Variants in ATAD2B observed in about 807,000 individuals in gnomAD.
ATAD2B encodes ATPase family AAA domain containing 2B.
In ATAD2B, 40 loss-of-function variants were observed where a neutral mutation model predicts 167.6. The observed-to-expected ratio is 0.24, with a 90% CI of 0.19 to 0.31. The LOEUF is 0.31. Ranked by LOEUF, ATAD2B falls within the 10% of genes least tolerant of loss-of-function variation. The probability of loss-of-function intolerance (pLI) is 1.00; values close to 1 mark genes in which losing one functional copy is unlikely to be tolerated. For missense variants in ATAD2B, 1,242 were observed against 1,757.2 expected (o/e 0.71, Z 5.24); for synonymous variants, 579 against 596.5 (o/e 0.97, Z 0.43).
intron 1 of ATAD2B, among the ~76,000 whole-genome samples, chr2:23,905,076 T>C (rs903349201): frequency 1.3e-5 from 2 of 152,182 alleles, no homozygotes; most frequent in African/African-American, 4.8e-5. Context: ...AGAAGCGACC[T>C]GTTAGTTTAG....
In ATAD2B at chr2:23,916,263, T is replaced by G. The variant is rs184538270; in HGVS notation, c.216+10292A>C. Among the ~76,000 whole-genome samples, 14 of 152,340 alleles carry G rather than the reference T, an allele frequency of 9.2e-5. No individual in the cohort carries two copies. In the East Asian group the frequency reaches 2.5e-3, roughly 27 times the overall value. ...AGGGTCAAATTTATTCCATAACTGA[T>G]TCATCTTCACCACTTTTAGAGGAAA... On this transcript the variant is annotated intron_variant, in intron 1 of 27. Coordinates refer to ENST00000238789, the MANE Select transcript of ATAD2B (RefSeq NM_017552.4).
chr2:23,886,119 A>AT (rs898673351), intron 4 of ATAD2B, among the ~76,000 whole-genome samples: 15 of 151,426 alleles, frequency 9.9e-5, no homozygotes, highest in African/African-American at 3.2e-4. Flanking sequence ...TAACTTTTAT[A>AT]TTTTTTTGTG....
intron 23 of ATAD2B, 69 bp downstream of exon 23, chr2:23,765,437 G>A (rs1474559653): frequency 7.9e-7 from 1 of 1,268,886 alleles, no homozygotes; most frequent in Non-Finnish European, 1.0e-6. Context: ...TAAAGAAACA[G>A]CGTTCAAGTA....
intron 1 of ATAD2B, among the ~76,000 whole-genome samples, chr2:23,906,981 G>A (rs1392060471): frequency 6.7e-6 from 1 of 149,942 alleles, no homozygotes; most frequent in Admixed American, 6.6e-5. Context: ...AATAATAAGA[G>A]CTATATATGA....
intron 13 of ATAD2B, among the ~76,000 whole-genome samples, chr2:23,839,456 T>G (rs1490290051): frequency 2.6e-5 from 4 of 152,150 alleles, no homozygotes; most frequent in African/African-American, 4.8e-5. Context: ...GACTAAATAT[T>G]GAATTTTATT....
At chr2:23,792,766 T>C (rs890763424) in intron 19 of ATAD2B, among the ~76,000 whole-genome samples, 1 of 151,666 alleles carries the variant, frequency 6.6e-6, no homozygotes, top group Non-Finnish European at 1.5e-5. Context: ...ATCAAGACCA[T>C]ACTGGCTAAC....
At chr2:23,822,267 A>G (rs1317849785) in intron 16 of ATAD2B, among the ~76,000 whole-genome samples, 1 of 152,074 alleles carries the variant, frequency 6.6e-6, no homozygotes, top group Non-Finnish European at 1.5e-5. Flanking sequence ...GGGCGCGATG[A>G]CTCACATCTC....
At chr2:23,918,049 AAAAAAAG>A (rs1288895306) in intron 1 of ATAD2B, among the ~76,000 whole-genome samples, 1 of 151,818 alleles carries the variant, frequency 6.6e-6, no homozygotes, top group Non-Finnish European at 1.5e-5. Context: ...CTCCATCTCA[AAAAAAAG>A]AAAAAAAGAA....
the ATAD2B span, among the ~76,000 whole-genome samples, chr2:23,688,598 C>A: frequency 6.6e-6 from 1 of 152,056 alleles, no homozygotes. Flanking sequence ...CTCCTGGGCA[C>A]CCCCACGCCC....
At position 23,864,852 on chromosome 2, in the gene ATAD2B, A is replaced by G. The variant is rs761464850; in HGVS notation, c.1261T>C (p.Leu421=). The part of the protein sequence containing the change: ...ALKEMVVFPL[L]YPEIFEKFKI... ...AACTTTTCAAAAATTTCTGGATATA[A>G]AAGTGGGAATACTACCATTTCCTTT... Residue 421 remains leucine (L), a synonymous_variant, in exon 11 of 28, where the codon TTA becomes CTA. Coordinates refer to ENST00000238789, the MANE Select transcript of ATAD2B (RefSeq NM_017552.4). 2 of 1,596,432 alleles carry G rather than the reference A, an allele frequency of 1.3e-6. No individual in the cohort carries two copies. Among genetic ancestry groups the G allele is most frequent in the Admixed American group, 1.7e-5 (1 of 58,442 alleles).
At chr2:23,792,980 A>AC (rs1226572870) in intron 19 of ATAD2B, among the ~76,000 whole-genome samples, 8 of 150,570 alleles carry the variant, frequency 5.3e-5, no homozygotes, top group Non-Finnish European at 1.2e-4. Flanking sequence ...AAAAAAAAAA[A>AC]AAAAAAAAAA....
chr2:23,917,602 AT>A (rs943954804), intron 1 of ATAD2B, among the ~76,000 whole-genome samples: 118 of 145,042 alleles, frequency 8.1e-4, no homozygotes, highest in Middle Eastern at 3.6e-3. Flanking sequence ...GCTTACCGGG[AT>A]TTTTTTTTTT....
At chr2:23,696,217 G>A in the ATAD2B span, 2 of 1,489,054 alleles carry the variant, frequency 1.3e-6, no homozygotes, top group Non-Finnish European at 1.8e-6. This position sits in a 1 kb window ranked among gnomAD's most constrained non-coding sequence, Gnocchi z 5.5. Flanking sequence ...GGAAGGCCAT[G>A]GCCCAGAAGT....
At chr2:23,797,427 A>G (rs780623267) in intron 19 of ATAD2B, among the ~76,000 whole-genome samples, 5 of 152,124 alleles carry the variant, frequency 3.3e-5, no homozygotes, top group Non-Finnish European at 5.9e-5. Flanking sequence ...TGTATTAGTA[A>G]TAACATTCAA....
At chr2:23,865,321 G>C (rs1293977317) in intron 10 of ATAD2B, among the ~76,000 whole-genome samples, 1 of 152,142 alleles carries the variant, frequency 6.6e-6, no homozygotes, top group African/African-American at 2.4e-5. Context: ...CTGAGCTCAG[G>C]AGTTCGAGAC....
At chr2:23,760,690 T>TTATATATATATA (rs60333740) in intron 24 of ATAD2B, among the ~76,000 whole-genome samples, 3 of 118,286 alleles carry the variant, frequency 2.5e-5, no homozygotes. Flanking sequence ...ATAAATAAAT[T>TTATATATATATA]TATATATATA....
rs1306033049 is a variant in ATAD2B, at chr2:23,750,185, A to C, written c.*1861T>G. 3 of 152,154 alleles carry C rather than the reference A, an allele frequency of 2.0e-5. No individual in the cohort carries two copies. Among genetic ancestry groups the C allele is most frequent in the African/African-American group, 7.2e-5 (3 of 41,446 alleles). The allele number at this position is 152,154 out of a possible 1,614,324, so 9.4% of individuals were successfully genotyped here. A position where few individuals can be genotyped will look rare whatever the true frequency, so the allele number is the denominator to read the frequency against. Reference sequence around the variant, plus strand: ...GGTTTCAAATAACCTCCCCTTTAAAATGGTTCATCGTTAATCGCACTTGCC... The same window carrying C: ...GGTTTCAAATAACCTCCCCTTTAAACTGGTTCATCGTTAATCGCACTTGCC... On this transcript the variant is annotated 3_prime_UTR_variant, in exon 28 of 28. Transcript: ENST00000238789.
the ATAD2B span, among the ~76,000 whole-genome samples, chr2:23,730,085 C>G: frequency 6.6e-6 from 1 of 152,066 alleles, no homozygotes; most frequent in East Asian, 1.9e-4. Context: ...TCAATGACAA[C>G]AGAATACACA....
downstream of ATAD2B, among the ~76,000 whole-genome samples, chr2:23,744,333 T>G (rs960811602): frequency 6.6e-6 from 1 of 152,134 alleles, no homozygotes; most frequent in African/African-American, 2.4e-5. Context: ...GAACTGCTGT[T>G]TTTTATAACA....
Sources: allele counts gnomAD v4.1 joint callset (sites outside exome capture counted in the v4.1 genomes callset), GRCh38; gene constraint gnomAD v4.1.1; non-coding constraint Gnocchi (gnomAD v3.1); transcripts MANE v1.5; gene names NCBI Gene and HGNC (gene_info 2026-07-23, HGNC 2026-07-21).